ASTN2: variants seen among roughly 807,000 people sequenced by gnomAD.
ASTN2 encodes astrotactin 2.
In ASTN2, 54 loss-of-function variants were observed where a neutral mutation model predicts 139.8. The observed-to-expected ratio is 0.39, with a 90% CI of 0.31 to 0.48. The LOEUF is 0.48. ASTN2 is among the 20% of genes least tolerant of loss of function. The probability of loss-of-function intolerance (pLI) is 0.95; values close to 1 mark genes in which losing one functional copy is unlikely to be tolerated. For synonymous variants in ASTN2, 756 were observed against 719.5 expected, an observed-to-expected ratio of 1.05 and a Z score of -0.81; for missense variants, 1,565 against 1,725.1, an observed-to-expected ratio of 0.91 and a Z score of 1.64.
intron 6 of ASTN2, among the ~76,000 whole-genome samples, chr9:117,020,559 G>C (rs1349825580): frequency 6.6e-6 from 1 of 151,948 alleles, no homozygotes; most frequent in Non-Finnish European, 1.5e-5. Flanking sequence ...CCATCACCTG[G>C]AAGTAGCCTG....
rs183535912 is a variant in ASTN2 at position 117,039,208 on chromosome 9, A to T, written c.1423+611T>A. The stretch of plus-strand genomic sequence containing the variant: ...GTTAAAAGTAGTCTTTACTGGATAA[A>T]GAAAATGTGGTACACACACACCATG... On this transcript the variant is annotated intron_variant, in intron 6 of 22. Transcript: ENST00000313400. Among the ~76,000 whole-genome samples, 48 of 152,340 alleles carry T rather than the reference A, an allele frequency of 3.2e-4. No homozygotes were observed. In the East Asian group the frequency reaches 8.9e-3, roughly 28 times the overall value.
chr9:116,925,375 A>T (rs148169589), intron 10 of ASTN2, among the ~76,000 whole-genome samples: 26 of 152,346 alleles, frequency 1.7e-4, no homozygotes, highest in African/African-American at 5.5e-4. Context: ...CCCACCTATC[A>T]TGATAGTCAT....
intron 10 of ASTN2, among the ~76,000 whole-genome samples, chr9:116,932,117 G>A (rs73529911): frequency 0.028 from 4,206 of 152,262 alleles, 108 homozygotes; most frequent in African/African-American, 0.071. Context: ...CCAATGGGAA[G>A]CTGCTGTGAG....
At chr9:116,935,561 C>G (rs1029499695) in intron 10 of ASTN2, among the ~76,000 whole-genome samples, 14 of 150,760 alleles carry the variant, frequency 9.3e-5, no homozygotes, top group Non-Finnish European at 1.5e-4. Flanking sequence ...AAGAAAAAAG[C>G]AAAAAGCAAA....
intron 10 of ASTN2, among the ~76,000 whole-genome samples, chr9:116,871,252 C>T (rs1340928454): frequency 2.6e-5 from 4 of 151,860 alleles, no homozygotes; most frequent in Admixed American, 6.6e-5. Context: ...AGCGAGACTC[C>T]GTCTCAAAAT....
intron 17 of ASTN2, among the ~76,000 whole-genome samples, chr9:116,633,993 C>G (rs548325688): frequency 2.6e-5 from 4 of 152,002 alleles, no homozygotes; most frequent in Non-Finnish European, 5.9e-5. Context: ...TTACACGTGA[C>G]GGAGGGATGG....
chr9:116,603,234 T>C (rs1855002667), intron 19 of ASTN2, among the ~76,000 whole-genome samples: 1 of 151,996 alleles, frequency 6.6e-6, no homozygotes, highest in African/African-American at 2.4e-5. Context: ...TTGGAACTGA[T>C]AGATGGAGAA....
At chr9:116,657,185 A>T (rs1213795471) in intron 16 of ASTN2, among the ~76,000 whole-genome samples, 1 of 152,210 alleles carries the variant, frequency 6.6e-6, no homozygotes, top group African/African-American at 2.4e-5. Context: ...GCCACTAGCA[A>T]GGCCTGCACT....
chr9:117,243,051 T>C (rs1283417922), intron 2 of ASTN2, among the ~76,000 whole-genome samples: 1 of 152,246 alleles, frequency 6.6e-6, no homozygotes, highest in Non-Finnish European at 1.5e-5. Context: ...TCAGGCACTT[T>C]GCATTTGCAT....
intron 16 of ASTN2, among the ~76,000 whole-genome samples, chr9:116,707,981 G>A (rs570344107): frequency 3.9e-5 from 6 of 152,102 alleles, no homozygotes; most frequent in African/African-American, 1.4e-4. Flanking sequence ...TCCCATAGTG[G>A]GCATGGATGC....
chr9:116,590,306 C>T (rs1417886324), intron 19 of ASTN2, among the ~76,000 whole-genome samples: 11 of 152,240 alleles, frequency 7.2e-5, no homozygotes, highest in Non-Finnish European at 1.5e-4. Flanking sequence ...GGCCTCTCCC[C>T]GCTTCAAGCA....
intron 16 of ASTN2, among the ~76,000 whole-genome samples, chr9:116,677,115 T>C (rs891817263): frequency 6.6e-6 from 1 of 152,218 alleles, no homozygotes; most frequent in African/African-American, 2.4e-5. Context: ...AGATATATTT[T>C]AAAAGCCTTT....
At chr9:117,086,296 C>T (rs541688425) in intron 5 of ASTN2, among the ~76,000 whole-genome samples, 4 of 152,112 alleles carry the variant, frequency 2.6e-5, no homozygotes, top group Non-Finnish European at 2.9e-5. Flanking sequence ...AAGTCTTGGC[C>T]GGGTGCGGTG....
rs10983257 is a variant in ASTN2, at chr9:116,597,299, A to T, written c.3355+21025T>A. On this transcript the variant is annotated intron_variant, in intron 19 of 22. Coordinates refer to ENST00000313400, the MANE Select transcript of ASTN2 (RefSeq NM_001365068.1). ...CAAAATATTCCATGACTTTTGATCT[A>T]TTTTTTTTTTTTTTTTTTTTTTTTG... Among the ~76,000 whole-genome samples, 168 of 75,480 alleles carry T rather than the reference A, an allele frequency of 2.2e-3. 3 individuals are homozygous for T. The East Asian group carries it at 0.026, about 12-fold the overall frequency. The allele number at this position is 75,480 out of a possible 152,430, so 49.5% of individuals were successfully genotyped here. A position where few individuals can be genotyped will look rare whatever the true frequency, so the allele number is the denominator to read the frequency against.
intron 1 of ASTN2, among the ~76,000 whole-genome samples, chr9:117,296,708 G>A (rs1212013934): frequency 6.6e-6 from 1 of 152,230 alleles, no homozygotes; most frequent in Non-Finnish European, 1.5e-5. Context: ...GAGAATTGGT[G>A]CACCATGCCT....
chr9:116,554,338 G>A (rs1418255146), intron 19 of ASTN2, among the ~76,000 whole-genome samples: 1 of 152,188 alleles, frequency 6.6e-6, no homozygotes, highest in Non-Finnish European at 1.5e-5. Context: ...AGAAGACAGG[G>A]AGGACCCACT....
At chr9:117,191,367 C>T (rs1831344154) in intron 3 of ASTN2, among the ~76,000 whole-genome samples, 1 of 151,774 alleles carries the variant, frequency 6.6e-6, no homozygotes, top group African/African-American at 2.4e-5. Flanking sequence ...AATAATTTTT[C>T]ACTTTCAATA....
At chr9:117,293,021 G>T (rs888985064) in intron 1 of ASTN2, among the ~76,000 whole-genome samples, 4 of 151,870 alleles carry the variant, frequency 2.6e-5, no homozygotes, top group Non-Finnish European at 5.9e-5. Flanking sequence ...TTTTAAGTTA[G>T]ATATTGATTT....
chr9:117,211,686 T>A (rs949027926), intron 3 of ASTN2, among the ~76,000 whole-genome samples: 1 of 152,090 alleles, frequency 6.6e-6, no homozygotes, highest in Admixed American at 6.5e-5. Flanking sequence ...AATAACTAAC[T>A]GATAAAAAAA....
Sources: gnomAD v4.1 joint callset for allele counts (sites outside exome capture counted in the v4.1 genomes callset) on GRCh38, gnomAD v4.1.1 for gene constraint, MANE v1.5 for transcripts, NCBI Gene and HGNC (gene_info 2026-07-23, HGNC 2026-07-21) for gene names.